CCDC171: variants seen among roughly 807,000 people sequenced by gnomAD.
CCDC171 encodes coiled-coil domain containing 171.
Under a neutral mutation model 168.2 loss-of-function variants are expected in CCDC171, and 177 were observed. That is an observed-to-expected ratio of 1.05 (90% CI 0.93 to 1.19). CCDC171 has a LOEUF of 1.19. Among genes scored for constraint, CCDC171 ranks in the 50% most tolerant of loss-of-function variants. The pLI, the probability that CCDC171 is intolerant of heterozygous loss-of-function variation, is 0.00. For synonymous variants in CCDC171, 687 were observed against 540.8 expected (o/e 1.27, Z -3.75); for missense variants, 1,991 against 1,539.0 (o/e 1.29, Z -4.91).
intron 11 of CCDC171, among the ~76,000 whole-genome samples, chr9:15,721,358 A>C (rs911111084): frequency 3.3e-5 from 5 of 151,754 alleles, no homozygotes; most frequent in Admixed American, 2.0e-4. Flanking sequence ...AGTGTACATA[A>C]CTCCCCCAAA....
At chr9:15,735,412 G>A (rs1490948998) in intron 16 of CCDC171, among the ~76,000 whole-genome samples, 1 of 152,102 alleles carries the variant, frequency 6.6e-6, no homozygotes, top group African/African-American at 2.4e-5. Flanking sequence ...ATTGGAACAA[G>A]GACTTCCTTT....
At chr9:15,791,715 G>A (rs373503305) in intron 21 of CCDC171, among the ~76,000 whole-genome samples, 2 of 152,170 alleles carry the variant, frequency 1.3e-5, no homozygotes, top group Non-Finnish European at 2.9e-5. Flanking sequence ...GGCAAACAGG[G>A]TCTGGAGTGG....
intron 16 of CCDC171, among the ~76,000 whole-genome samples, chr9:15,739,259 G>A (rs1309921965): frequency 3.3e-5 from 5 of 152,222 alleles, no homozygotes; most frequent in South Asian, 2.1e-4. Flanking sequence ...CAAAGGAGCC[G>A]GGTGTTCTAC....
intron 24 of CCDC171, among the ~76,000 whole-genome samples, chr9:15,897,423 G>A (rs1284225869): frequency 6.6e-6 from 1 of 152,052 alleles, no homozygotes; most frequent in Non-Finnish European, 1.5e-5. Flanking sequence ...TGATGGAAGT[G>A]TGGAAGTTAT....
At chr9:15,773,631 G>T (rs1163841217) in intron 18 of CCDC171, among the ~76,000 whole-genome samples, 1 of 151,860 alleles carries the variant, frequency 6.6e-6, no homozygotes, top group Non-Finnish European at 1.5e-5. Context: ...TATACATGAG[G>T]AACTTTAGTG....
At chr9:15,853,523 G>T (rs776219530) in intron 23 of CCDC171, among the ~76,000 whole-genome samples, 2 of 151,520 alleles carry the variant, frequency 1.3e-5, no homozygotes, top group African/African-American at 4.8e-5. Flanking sequence ...TTTTCTACAT[G>T]TAAGATTATG....
intron 18 of CCDC171, among the ~76,000 whole-genome samples, chr9:15,755,394 TATC>T (rs2056042129): frequency 6.6e-6 from 1 of 152,136 alleles, no homozygotes; most frequent in Non-Finnish European, 1.5e-5. Flanking sequence ...AGCATAGAGT[TATC>T]ATATGAGCTA....
intron 9 of CCDC171, 69 bp downstream of exon 9, chr9:15,666,392 T>G: frequency 9.4e-7 from 1 of 1,059,884 alleles, no homozygotes; most frequent in Non-Finnish European, 1.4e-6. Flanking sequence ...AAAATATGAA[T>G]GTATACTATG....
At chr9:15,919,296 CTCTG>C (rs747515604) in intron 24 of CCDC171, among the ~76,000 whole-genome samples, 3 of 151,636 alleles carry the variant, frequency 2.0e-5, no homozygotes, top group Admixed American at 6.6e-5. Context: ...TTGTTTCTTA[CTCTG>C]TCTTTGTTCA....
chr9:15,777,562 A>G (rs765249446), intron 18 of CCDC171, 38 bp from the exon 19 acceptor site: 4 of 1,254,138 alleles, frequency 3.2e-6, no homozygotes, highest in African/African-American at 3.0e-5. Context: ...ACAAGAGACA[A>G]TTCACATTTT....
chr9:15,595,782 A>G (rs1205256763), intron 6 of CCDC171, among the ~76,000 whole-genome samples: 7 of 152,074 alleles, frequency 4.6e-5, no homozygotes, highest in Non-Finnish European at 8.8e-5. Flanking sequence ...AAGTGTTCCT[A>G]TTTCTCCACA....
At chr9:16,039,941 G>A (rs1418899033), upstream of CCDC171, among the ~76,000 whole-genome samples, 3 of 152,192 alleles carry the variant, frequency 2.0e-5, no homozygotes, top group Admixed American at 6.5e-5. Flanking sequence ...AGAAGAAAAT[G>A]AGCAGTGTCT....
intron 24 of CCDC171, among the ~76,000 whole-genome samples, chr9:15,914,296 T>TA (rs1289939751): frequency 1.3e-5 from 2 of 152,130 alleles, no homozygotes; most frequent in Non-Finnish European, 1.5e-5. Flanking sequence ...GAGTTTTATC[T>TA]ATAAGCCCCT....
chr9:15,872,565 A>T (rs796648206), intron 23 of CCDC171, among the ~76,000 whole-genome samples: 6 of 152,130 alleles, frequency 3.9e-5, no homozygotes, highest in African/African-American at 1.2e-4. Context: ...TCCCTAGTGA[A>T]TTTTGTCACA....
chr9:16,061,194 A>G (rs1366941626), exon 2 of CCDC171: 1 of 152,162 alleles, frequency 6.6e-6, no homozygotes, highest in African/African-American at 2.4e-5. Context: ...TTTCTATAAA[A>G]TGGAATTCTA....
At chr9:15,558,152 G>A (rs2038969853) in intron 1 of CCDC171, among the ~76,000 whole-genome samples, 1 of 152,106 alleles carries the variant, frequency 6.6e-6, no homozygotes, top group African/African-American at 2.4e-5. Flanking sequence ...GTATTTTATT[G>A]AGGATTTTTG....
At chr9:15,710,128 A>C (rs947037763) in intron 11 of CCDC171, among the ~76,000 whole-genome samples, 1 of 152,180 alleles carries the variant, frequency 6.6e-6, no homozygotes, top group Admixed American at 6.5e-5. Flanking sequence ...AAAAATATAA[A>C]TATAAGATCA....
intron 24 of CCDC171, among the ~76,000 whole-genome samples, chr9:15,884,870 G>A (rs540431021): frequency 9.9e-5 from 15 of 152,112 alleles, no homozygotes; most frequent in Non-Finnish European, 2.2e-4. Context: ...GGTCAGGAAC[G>A]GTGACCCAAC....
intron 25 of CCDC171, among the ~76,000 whole-genome samples, chr9:15,967,942 A>T (rs981995997): frequency 3.3e-5 from 5 of 152,218 alleles, no homozygotes; most frequent in African/African-American, 1.2e-4. Flanking sequence ...TGGTTATTTT[A>T]TTATTAGACT....
Sources: gnomAD v4.1 joint callset for allele counts (sites outside exome capture counted in the v4.1 genomes callset) on GRCh38, gnomAD v4.1.1 for gene constraint, MANE v1.5 for transcripts, NCBI Gene and HGNC (gene_info 2026-07-23, HGNC 2026-07-21) for gene names.